Variants in COMMD7 observed in about 807,000 individuals in gnomAD.
The protein encoded by COMMD7 is COMM domain containing 7.
A neutral mutation model predicts 34.8 loss-of-function variants in COMMD7; 28 were observed. The observed-to-expected ratio is 0.80, with a 90% CI of 0.60 to 1.10. The LOEUF (loss-of-function observed/expected upper bound fraction) is 1.10. COMMD7 is among the 50% of genes least tolerant of loss of function. The probability of loss-of-function intolerance (pLI) is 0.00; values close to 1 mark genes in which losing one functional copy is unlikely to be tolerated. For missense variants in COMMD7, 211 were observed against 241.6 expected (o/e 0.87, Z 0.84); for synonymous variants, 80 against 86.4 (o/e 0.93, Z 0.41).
chr20:32,706,701 T>C lies in COMMD7; in HGVS notation c.298+3A>G. On this transcript the variant is annotated splice_donor_region_variant and intron_variant, in intron 4 of 8. Coordinates refer to ENST00000278980, the MANE Select transcript of COMMD7 (RefSeq NM_053041.3). ...CCCTGAGCAACCCTGGCCAATGACC[T>C]ACCCAGAGTTATGAAATCCGCCTGG... 6.2e-7 allele frequency: 1 copy of C among 1,613,878 alleles called. No homozygotes were observed. The highest frequency in any genetic ancestry group is 8.5e-7 in the Non-Finnish European group (1 of 1,179,934).
intron 1 of COMMD7, among the ~76,000 whole-genome samples, chr20:32,728,743 T>A (rs879015924): frequency 6.6e-6 from 1 of 151,864 alleles, no homozygotes. Context: ...ATTTTTTTTT[T>A]AATGTAGAGA....
chr20:32,732,296 G>T (rs566059683), intron 1 of COMMD7, among the ~76,000 whole-genome samples: 2 of 152,090 alleles, frequency 1.3e-5, no homozygotes, highest in South Asian at 4.2e-4. Flanking sequence ...TCACAATGTT[G>T]CCCCAGCTCA....
chr20:32,716,434 T>C (rs920941448), intron 3 of COMMD7, among the ~76,000 whole-genome samples: 1 of 151,768 alleles, frequency 6.6e-6, no homozygotes, highest in Non-Finnish European at 1.5e-5. Context: ...GCTAACACGG[T>C]GAAACCCTGT....
chr20:32,727,805 C>A, intron 3 of COMMD7, 88 bp downstream of exon 3: 1 of 1,117,830 alleles, frequency 8.9e-7, no homozygotes, highest in Non-Finnish European at 1.4e-6. Context: ...TCTGGCTTGG[C>A]CCACGGAGCA....
At position 32,728,128 on chromosome 20, in the gene COMMD7, C is replaced by T. The variant is rs1443561508; in HGVS notation, c.99G>A (p.Leu33=). 6.2e-7 allele frequency: 1 copy of T among 1,614,102 alleles called. No homozygotes were observed. The highest frequency in any genetic ancestry group is 8.5e-7 in the Non-Finnish European group (1 of 1,180,018). The change falls in exon 2 of 9, where the codon CTG becomes CTA. Residue 33 remains leucine, a synonymous_variant. Coordinates refer to ENST00000278980, the MANE Select transcript of COMMD7 (RefSeq NM_053041.3). Reference sequence around the variant, plus strand: ...TTAGGAAGTGGAAAAGCACCTCTGTCAGGGCTGAGAACTGCTGTGAAGAAA... The same window carrying T: ...TTAGGAAGTGGAAAAGCACCTCTGTTAGGGCTGAGAACTGCTGTGAAGAAA... The part of the protein sequence containing the change: ...NQLGAQQFSA[L]TEVLFHFLTE...
intron 1 of COMMD7, 71 bp downstream of exon 1, chr20:32,743,237 T>TGCCC: frequency 7.6e-6 from 4 of 526,946 alleles, no homozygotes; most frequent in Non-Finnish European, 1.3e-5. Flanking sequence ...CCCCCGGACG[T>TGCCC]CCCCCCCACC....
chr20:32,708,687 G>A (rs1984242738), intron 3 of COMMD7, among the ~76,000 whole-genome samples: 1 of 119,524 alleles, frequency 8.4e-6, no homozygotes, highest in Admixed American at 9.7e-5. Context: ...AGTGAGACAC[G>A]GTTTCACTCT....
intron 1 of COMMD7, among the ~76,000 whole-genome samples, chr20:32,737,050 C>T (rs1601007878): frequency 6.6e-6 from 1 of 151,710 alleles, no homozygotes; most frequent in Non-Finnish European, 1.5e-5. Flanking sequence ...GGCGTAGTGG[C>T]GGGCACCTGT....
At position 32,704,509 on chromosome 20, in the gene COMMD7, AAAGAG is replaced by A. The variant is rs768525735; in HGVS notation, c.428-25_428-21del. On this transcript the variant is annotated intron_variant, in intron 6 of 8. Transcript: ENST00000278980. ...ATGTCACTGTGACAAAAAAAAAAAA[AAAGAG>A]AGAGAGAGAGAGAAATAACAAGTGA... 254 of 1,464,368 alleles carry A rather than the reference AAAGAG, an allele frequency of 1.7e-4. No homozygotes were observed. The highest frequency in any genetic ancestry group is 9.0e-4 in the Middle Eastern group (5 of 5,586). 90.7% of individuals were successfully genotyped at this position (1,464,368 alleles called of 1,614,324 possible).
intron 8 of COMMD7, 67 bp downstream of exon 8, chr20:32,703,956 G>A (rs369271118): frequency 2.7e-5 from 43 of 1,611,020 alleles, no homozygotes; most frequent in South Asian, 2.1e-4. Flanking sequence ...TGTGGTGAGC[G>A]TCACCAGCCC....
intron 3 of COMMD7, among the ~76,000 whole-genome samples, chr20:32,725,263 G>A (rs1365208124): frequency 6.6e-6 from 1 of 151,908 alleles, no homozygotes; most frequent in African/African-American, 2.4e-5. Context: ...TTTATGGTTT[G>A]CTACCATTTA....
intron 5 of COMMD7, 82 bp from the exon 6 acceptor site, chr20:32,704,986 A>AGG: frequency 1.0e-6 from 1 of 1,004,990 alleles, no homozygotes; most frequent in Non-Finnish European, 1.6e-6. Context: ...TGCAATATTT[A>AGG]GCATTGACAC....
chr20:32,703,517 A>G (rs1983871373), intron 8 of COMMD7, 59 bp from the exon 9 acceptor site: 1 of 1,573,498 alleles, frequency 6.4e-7, no homozygotes, highest in Non-Finnish European at 8.6e-7. Context: ...ATCATCCAAG[A>G]AAATTAATTT....
chr20:32,729,559 T>C (rs1985718081), intron 1 of COMMD7, among the ~76,000 whole-genome samples: 1 of 151,324 alleles, frequency 6.6e-6, no homozygotes, highest in Non-Finnish European at 1.5e-5. Flanking sequence ...GATGGGAGGA[T>C]TGCTTGAGGC....
chr20:32,728,063 T>A (rs774756472), intron 2 of COMMD7, 26 bp downstream of exon 2: 2 of 1,613,344 alleles, frequency 1.2e-6, no homozygotes, highest in Non-Finnish European at 1.7e-6. Context: ...ACGGACCCAC[T>A]CCCTAACACA....
intron 7 of COMMD7, 107 bp from the exon 8 acceptor site, chr20:32,704,178 G>C (rs561429701): frequency 4.2e-6 from 4 of 955,350 alleles, no homozygotes; most frequent in Non-Finnish European, 6.2e-6. Flanking sequence ...AGTCATACAG[G>C]AGCAGTCTGG....
intron 3 of COMMD7, among the ~76,000 whole-genome samples, chr20:32,718,220 C>T (rs1427632663): frequency 2.6e-5 from 4 of 151,532 alleles, no homozygotes; most frequent in African/African-American, 4.8e-5. Flanking sequence ...CTGGCTAACA[C>T]GGTGAAACCC....
rs183589452 is a variant in COMMD7, at chr20:32,712,646, A to G, written c.242-5886T>C. Among the ~76,000 whole-genome samples, 869 of 150,818 alleles carry G rather than the reference A, an allele frequency of 5.8e-3. 8 individuals are homozygous for G. Among genetic ancestry groups the G allele is most frequent in the Non-Finnish European group, 8.6e-3 (582 of 67,794 alleles). On this transcript the variant is annotated intron_variant, in intron 3 of 8. Transcript: ENST00000278980. The stretch of plus-strand genomic sequence containing the variant: ...AAAAAAGAAAATTGTGTAAACTCCA[A>G]CAGCTGCAGTCAGCAGAACATGACA...
intron 3 of COMMD7, among the ~76,000 whole-genome samples, chr20:32,726,290 G>A (rs913295776): frequency 3.9e-5 from 6 of 151,990 alleles, no homozygotes; most frequent in Non-Finnish European, 8.8e-5. Context: ...CCAGCTACTC[G>A]GGAGGCTGAG....
Sources: gnomAD v4.1 joint callset for allele counts (sites outside exome capture counted in the v4.1 genomes callset) on GRCh38, gnomAD v4.1.1 for gene constraint, MANE v1.5 for transcripts, NCBI Gene and HGNC (gene_info 2026-07-23, HGNC 2026-07-21) for gene names.